The following PDSS2 variants were observed in gnomAD, a reference collection of about 807,000 sequenced individuals.
The protein encoded by PDSS2 is all trans-polyprenyl-diphosphate synthase PDSS2.
Under a neutral mutation model 44.5 loss-of-function variants are expected in PDSS2, and 31 were observed. The ratio of observed to expected loss-of-function variants is 0.70; its 90% CI spans 0.52 to 0.94. The LOEUF (loss-of-function observed/expected upper bound fraction) is 0.94. Ranked by LOEUF, PDSS2 falls within the 40% of genes least tolerant of loss-of-function variation. The pLI is 0.00. For synonymous variants in PDSS2, 157 were observed against 180.3 expected, an observed-to-expected ratio of 0.87 and a Z score of 1.03; for missense variants, 452 against 482.2, an observed-to-expected ratio of 0.94 and a Z score of 0.59.
At chr6:107,244,774 T>C (rs1774553349) in intron 4 of PDSS2, among the ~76,000 whole-genome samples, 1 of 152,218 alleles carries the variant, frequency 6.6e-6, no homozygotes, top group Admixed American at 6.5e-5. Context: ...CATATGTGCA[T>C]ACCTTTTCTA....
At chr6:107,380,096 G>A (rs1779410776) in intron 1 of PDSS2, among the ~76,000 whole-genome samples, 1 of 152,114 alleles carries the variant, frequency 6.6e-6, no homozygotes, top group Non-Finnish European at 1.5e-5. Flanking sequence ...TGTGTTTAAA[G>A]TTTGTTGTAG....
intron 7 of PDSS2, among the ~76,000 whole-genome samples, chr6:107,186,109 A>G (rs1772154782): frequency 6.6e-6 from 1 of 152,204 alleles, no homozygotes; most frequent in African/African-American, 2.4e-5. Flanking sequence ...AGTGAGTTTC[A>G]GCAATGAGGA....
At chr6:107,388,538 T>A (rs933733879) in intron 1 of PDSS2, among the ~76,000 whole-genome samples, 2 of 148,924 alleles carry the variant, frequency 1.3e-5, no homozygotes, top group African/African-American at 5.0e-5. Flanking sequence ...AAGCTCCGCC[T>A]CCCGGGTTCA....
intron 7 of PDSS2, among the ~76,000 whole-genome samples, chr6:107,182,814 C>T (rs1208940581): frequency 6.6e-6 from 1 of 152,158 alleles, no homozygotes; most frequent in African/African-American, 2.4e-5. Context: ...AGAATCTACT[C>T]ACTATTGCTG....
At chr6:107,169,502 G>A (rs553260840) in intron 7 of PDSS2, among the ~76,000 whole-genome samples, 24 of 152,234 alleles carry the variant, frequency 1.6e-4, no homozygotes, top group East Asian at 1.2e-3. Flanking sequence ...TCCATCCAGC[G>A]TTGTTCCATT....
intron 1 of PDSS2, among the ~76,000 whole-genome samples, chr6:107,393,780 T>G (rs1476229934): frequency 6.6e-6 from 1 of 152,218 alleles, no homozygotes; most frequent in African/African-American, 2.4e-5. Context: ...GTTTTTACGA[T>G]TGAAAGTAAT....
chr6:107,446,764 C>T (rs1302421489), intron 1 of PDSS2, among the ~76,000 whole-genome samples: 7 of 152,100 alleles, frequency 4.6e-5, no homozygotes, highest in Non-Finnish European at 7.4e-5. Flanking sequence ...AGAACTCACT[C>T]ACTATCATGA....
intron 1 of PDSS2, among the ~76,000 whole-genome samples, chr6:107,352,761 A>G (rs544768166): frequency 7.9e-5 from 12 of 152,230 alleles, no homozygotes; most frequent in African/African-American, 2.9e-4. Context: ...GTCAAAAGAG[A>G]TATTTTTGGT....
At chr6:107,200,249 T>C (rs917597407) in intron 6 of PDSS2, among the ~76,000 whole-genome samples, 1 of 152,228 alleles carries the variant, frequency 6.6e-6, no homozygotes, top group African/African-American at 2.4e-5. Context: ...ATGGATATGT[T>C]GGGAGCCAGA....
chr6:107,362,369 C>A (rs531289017), intron 1 of PDSS2, among the ~76,000 whole-genome samples: 119 of 152,270 alleles, frequency 7.8e-4, no homozygotes, highest in Non-Finnish European at 1.4e-3. Context: ...GGTGTTTCAG[C>A]GTAACTTCTG....
chr6:107,401,885 C>T (rs540434798), intron 1 of PDSS2, among the ~76,000 whole-genome samples: 21 of 152,276 alleles, frequency 1.4e-4, no homozygotes, highest in African/African-American at 4.8e-4. Context: ...TGGCTCATGC[C>T]TGTAATTCAA....
rs564677435 is a variant in PDSS2 at position 107,372,544 on chromosome 6, C to T, written c.297-38212G>A. Among the ~76,000 whole-genome samples the T allele has an allele frequency of 2.5e-3, 382 of 152,272 alleles. 1 individual carries two copies. Among genetic ancestry groups the T allele is most frequent in the African/African-American group, 8.6e-3 (359 of 41,566 alleles). On this transcript the variant is annotated intron_variant, in intron 1 of 7. Transcript: ENST00000369037. ...TCGACTCACTGCAAGCTCCGCCTCC[C>T]GGGTTCATGCCATTCTCCTGCCTCA...
rs777315112 is a variant in PDSS2, at chr6:107,212,136, A to G, written c.849T>C (p.Tyr283=). 3.7e-6 allele frequency: 6 copies of G among 1,614,152 alleles called. No homozygotes were observed. The highest frequency in any genetic ancestry group is 4.2e-6 in the Non-Finnish European group (5 of 1,179,990). The part of the protein sequence containing the change: ...DAEVQNMAFQ[Y]GKHMAMSHKI... ...TATGACTCATGGCCATGTGCTTCCC[A>G]TACTGAAATGCCATATTCTGAACCT... Residue 283 remains tyrosine, a synonymous_variant, in exon 5 of 8, where the codon TAT becomes TAC. Coordinates refer to ENST00000369037, the MANE Select transcript of PDSS2 (RefSeq NM_020381.4).
At chr6:107,403,829 C>T (rs1780222738) in intron 1 of PDSS2, among the ~76,000 whole-genome samples, 1 of 152,218 alleles carries the variant, frequency 6.6e-6, no homozygotes, top group African/African-American at 2.4e-5. Flanking sequence ...CCATTTTTCC[C>T]TCCTAGGCCA....
intron 7 of PDSS2, among the ~76,000 whole-genome samples, chr6:107,177,539 A>G (rs1453352730): frequency 3.3e-5 from 5 of 152,214 alleles, no homozygotes. Context: ...TCACAGGAAA[A>G]GCAATCACTG....
chr6:107,325,163 T>C (rs955976475), intron 2 of PDSS2, among the ~76,000 whole-genome samples: 6 of 152,334 alleles, frequency 3.9e-5, no homozygotes, highest in African/African-American at 7.2e-5. Context: ...ACACTAAGCG[T>C]AACCAATTTT....
At chr6:107,258,829 T>C (rs967429701) in intron 3 of PDSS2, among the ~76,000 whole-genome samples, 1 of 151,378 alleles carries the variant, frequency 6.6e-6, no homozygotes, top group Non-Finnish European at 1.5e-5. Context: ...ATGAAGCCCC[T>C]ATCAATGTTT....
chr6:107,373,050 C>A (rs1279056085), intron 1 of PDSS2, among the ~76,000 whole-genome samples: 2 of 142,256 alleles, frequency 1.4e-5, no homozygotes, highest in African/African-American at 5.3e-5. Context: ...GTGGTGTGAT[C>A]TCGGCTCACC....
At chr6:107,268,542 T>C (rs573927733) in intron 3 of PDSS2, among the ~76,000 whole-genome samples, 45 of 152,320 alleles carry the variant, frequency 3.0e-4, no homozygotes, top group African/African-American at 1.0e-3. Flanking sequence ...ATAACTTCTT[T>C]ATACTGATTA....
Sources: gnomAD v4.1 joint callset for allele counts (sites outside exome capture counted in the v4.1 genomes callset) on GRCh38, gnomAD v4.1.1 for gene constraint, MANE v1.5 for transcripts, NCBI Gene and HGNC (gene_info 2026-07-23, HGNC 2026-07-21) for gene names.